The following ROCK2 variants were observed in gnomAD, a reference collection of about 807,000 sequenced individuals.
ROCK2 encodes the protein rho-associated protein kinase 2.
ROCK2 carries 61 observed loss-of-function variants against 195.1 expected under a neutral mutation model. The observed-to-expected ratio is 0.31, with a 90% CI of 0.25 to 0.39. The LOEUF (loss-of-function observed/expected upper bound fraction) is 0.39, where lower values mean the gene tolerates loss of function less well. Among genes scored for constraint, ROCK2 ranks in the 10% least tolerant of loss-of-function variants. ROCK2 has a pLI of 1.00. For missense variants in ROCK2, 1,109 were observed against 1,637.4 expected (o/e 0.68, Z 5.57); for synonymous variants, 504 against 545.5 (o/e 0.92, Z 1.06).
At chr2:11,338,271 C>G (rs1355072646) in intron 1 of ROCK2, among the ~76,000 whole-genome samples, 7 of 151,990 alleles carry the variant, frequency 4.6e-5, no homozygotes, top group African/African-American at 1.7e-4. Flanking sequence ...TCATTGAGAC[C>G]AGGAGTTGAA....
intron 3 of ROCK2, among the ~76,000 whole-genome samples, chr2:11,250,199 CCTCA>C (rs1313676180): frequency 1.2e-4 from 18 of 152,194 alleles, no homozygotes; most frequent in African/African-American, 4.1e-4. Flanking sequence ...TATACACATC[CCTCA>C]CTATCTGCCC....
At chr2:11,307,978 C>A in intron 1 of ROCK2, 1 of 1,482,664 alleles carries the variant, frequency 6.7e-7, no homozygotes, top group Non-Finnish European at 8.9e-7. Context: ...CCCTAGAACC[C>A]GGCCTTGCTG....
At position 11,292,180 on chromosome 2, in the gene ROCK2, A is replaced by C. The variant is rs1335248686; in HGVS notation, c.142-4444T>G. Among the ~76,000 whole-genome samples the C allele has an allele frequency of 3.9e-5, 6 of 152,286 alleles. No individual in the cohort carries two copies. The East Asian group carries it at 5.8e-4, about 15-fold the overall frequency. ...TTAAAAAAAAAGTCCATATTCATAG[A>C]CTGTAAATAATACCTAGCATTCAGC... On this transcript the variant is annotated intron_variant, in intron 1 of 32. Coordinates refer to ENST00000315872, the MANE Select transcript of ROCK2 (RefSeq NM_004850.5).
At chr2:11,214,788 T>G in intron 16 of ROCK2, 52 bp downstream of exon 16, 1 of 1,513,916 alleles carries the variant, frequency 6.6e-7, no homozygotes, top group Non-Finnish European at 8.9e-7. Flanking sequence ...TAAAGTTATT[T>G]TTAAAATAAG....
intron 30 of ROCK2, 39 bp downstream of exon 30, chr2:11,193,740 C>G: frequency 3.1e-6 from 4 of 1,273,302 alleles, no homozygotes; most frequent in Non-Finnish European, 4.4e-6. Context: ...AAAAACAAAA[C>G]AAAGCCAACC....
At chr2:11,272,979 G>A (rs1432666052) in intron 3 of ROCK2, among the ~76,000 whole-genome samples, 2 of 149,526 alleles carry the variant, frequency 1.3e-5, no homozygotes, top group African/African-American at 4.9e-5. Flanking sequence ...TAATGCCTAT[G>A]GTATCTACAA....
chr2:11,268,479 T>TG (rs200368998), intron 3 of ROCK2, among the ~76,000 whole-genome samples: 2 of 48,364 alleles, frequency 4.1e-5, no homozygotes, highest in Non-Finnish European at 1.4e-4. Flanking sequence ...TGTGTGTGTG[T>TG]TTTTTTCCTT....
In ROCK2 at chr2:11,193,788, C is replaced by T; in HGVS notation, c.3678G>A (p.Arg1226=). The part of the protein sequence containing the change: ...VYRADAKEIP[R]IFQILYANEG... ...ACAAAACTATGTTTACCTGGAATAT[C>T]CTTGGAATTTCTTTAGCATCTGCTC... Residue 1226 remains arginine (R), a synonymous_variant, in exon 30 of 33, where the codon AGG becomes AGA. Transcript: ENST00000315872. The T allele has an allele frequency of 6.3e-7, 1 of 1,582,212 alleles. No homozygotes were observed. Among genetic ancestry groups the T allele is most frequent in the Non-Finnish European group, 8.6e-7 (1 of 1,160,918 alleles).
chr2:11,320,851 G>A (rs929064977), intron 1 of ROCK2, among the ~76,000 whole-genome samples: 2 of 152,152 alleles, frequency 1.3e-5, no homozygotes, highest in African/African-American at 4.8e-5. Flanking sequence ...GATTGCAGAA[G>A]CAGAGCTAGA....
At chr2:11,261,921 AT>A (rs1461006452) in intron 3 of ROCK2, among the ~76,000 whole-genome samples, 1 of 152,218 alleles carries the variant, frequency 6.6e-6, no homozygotes, top group East Asian at 1.9e-4. Flanking sequence ...AATTTATCTA[AT>A]CTCTAAATTT....
intron 11 of ROCK2, 25 bp downstream of exon 11, chr2:11,218,430 A>G (rs765031501): frequency 1.9e-6 from 3 of 1,548,926 alleles, no homozygotes; most frequent in East Asian, 4.6e-5. Flanking sequence ...TCAGTTTTTC[A>G]ATATATCTGA....
chr2:11,272,323 A>G (rs749453644), intron 3 of ROCK2, among the ~76,000 whole-genome samples: 21 of 152,228 alleles, frequency 1.4e-4, no homozygotes, highest in Non-Finnish European at 2.8e-4. Context: ...AGGTAAATAC[A>G]CACACAATTA....
chr2:11,284,359 T>C (rs1397490135), intron 3 of ROCK2, among the ~76,000 whole-genome samples: 5 of 152,184 alleles, frequency 3.3e-5, no homozygotes, highest in African/African-American at 1.2e-4. Flanking sequence ...CTATAGGATG[T>C]ACACCACCAT....
intron 1 of ROCK2, among the ~76,000 whole-genome samples, chr2:11,314,796 T>C (rs1254012098): frequency 2.6e-5 from 4 of 151,938 alleles, no homozygotes; most frequent in East Asian, 1.9e-4. Flanking sequence ...AAATTATTCA[T>C]CTCTTTAAAT....
At chr2:11,247,380 G>T (rs1665652778) in intron 4 of ROCK2, among the ~76,000 whole-genome samples, 1 of 152,094 alleles carries the variant, frequency 6.6e-6, no homozygotes, top group South Asian at 2.1e-4. Flanking sequence ...TTCACAAAAG[G>T]TCAAACATTT....
In ROCK2 at chr2:11,308,693, G is replaced by A. The variant is rs1315854494; in HGVS notation, c.142-20957C>T. On this transcript the variant is annotated intron_variant, in intron 1 of 32. Coordinates refer to ENST00000315872, the MANE Select transcript of ROCK2 (RefSeq NM_004850.5). The stretch of plus-strand genomic sequence containing the variant: ...ATATGTTCATTTTAATGTGGACATT[G>A]AGCTCCAGAAGCATGTTGAAAAATT... 31 of 1,564,260 alleles carry A rather than the reference G, an allele frequency of 2.0e-5. 1 individual carries two copies. The highest frequency in any genetic ancestry group is 3.4e-5 in the Admixed American group (2 of 58,960).
At chr2:11,195,127 A>G (rs1339650377) in intron 27 of ROCK2, 102 bp from the exon 28 acceptor site, 2 of 596,836 alleles carry the variant, frequency 3.4e-6, no homozygotes, top group Non-Finnish European at 5.6e-6. Context: ...CAAATAAAAT[A>G]TATCCTTTAG....
At chr2:11,262,464 T>C (rs1434312424) in intron 3 of ROCK2, among the ~76,000 whole-genome samples, 3 of 152,138 alleles carry the variant, frequency 2.0e-5, no homozygotes, top group Non-Finnish European at 2.9e-5. Flanking sequence ...ACAAATCTCA[T>C]CTTGAATTCC....
rs142183614 is a variant in ROCK2 at position 11,302,672 on chromosome 2, G to T, written c.142-14936C>A. Among the ~76,000 whole-genome samples, 6 of 151,938 alleles carry T rather than the reference G, an allele frequency of 3.9e-5. No individual in the cohort carries two copies. The East Asian group carries it at 9.7e-4, about 24-fold the overall frequency. ...TGGTTAGCTTGAACTGAGATGCTCT[G>T]GTAAATGTAAAATACACATTGGATT... On this transcript the variant is annotated intron_variant, in intron 1 of 32. Transcript: ENST00000315872.
Sources: gnomAD v4.1 joint callset for allele counts (sites outside exome capture counted in the v4.1 genomes callset) on GRCh38, gnomAD v4.1.1 for gene constraint, MANE v1.5 for transcripts, NCBI Gene and HGNC (gene_info 2026-07-23, HGNC 2026-07-21) for gene names.